PLXDC2: variants seen among roughly 807,000 people sequenced by gnomAD.
PLXDC2 encodes plexin domain containing 2.
A neutral mutation model predicts 68.9 loss-of-function variants in PLXDC2; 40 were observed. The observed-to-expected ratio is 0.58, with a 90% confidence interval of 0.45 to 0.76. The LOEUF (loss-of-function observed/expected upper bound fraction) is 0.76. Ranked by LOEUF, PLXDC2 falls within the 30% of genes least tolerant of loss-of-function variation. The pLI is 0.00. For synonymous variants in PLXDC2, 243 were observed against 234.2 expected (o/e 1.04, Z -0.34); for missense variants, 644 against 661.9 (o/e 0.97, Z 0.30).
intron 4 of PLXDC2, among the ~76,000 whole-genome samples, chr10:20,115,020 T>C (rs938546913): frequency 3.3e-5 from 5 of 152,128 alleles, no homozygotes; most frequent in Admixed American, 2.0e-4. Flanking sequence ...AAATCCGCAA[T>C]GCAATTTTTT....
intron 1 of PLXDC2, among the ~76,000 whole-genome samples, chr10:19,998,149 G>A (rs898542839): frequency 1.3e-5 from 2 of 152,144 alleles, no homozygotes; most frequent in African/African-American, 4.8e-5. Flanking sequence ...TTTTACTGCA[G>A]CTGGAAAGGG....
intron 7 of PLXDC2, among the ~76,000 whole-genome samples, chr10:20,168,611 A>G (rs1834405460): frequency 6.6e-6 from 1 of 152,190 alleles, no homozygotes; most frequent in Admixed American, 6.5e-5. Context: ...TGTTTTTCAT[A>G]AAATGTATTT....
rs1384598353 is a variant in PLXDC2, at chr10:20,001,994, A to G, written c.324+8A>G. ...AATAACACTCAGATCGAGGTAGATA[A>G]ATAGTCTGGGTAATTGAAATGGATT... is the stretch of plus-strand genomic sequence containing the variant. On this transcript the variant is annotated splice_region_variant and intron_variant, in intron 2 of 13. Transcript: ENST00000377252. 6.2e-7 allele frequency: 1 copy of G among 1,609,386 alleles called. No homozygotes were observed. The highest frequency in any genetic ancestry group is 1.1e-5 in the South Asian group (1 of 90,478).
At chr10:19,898,263 A>G (rs1838096834) in intron 1 of PLXDC2, among the ~76,000 whole-genome samples, 1 of 152,140 alleles carries the variant, frequency 6.6e-6, no homozygotes, top group African/African-American at 2.4e-5. Context: ...ATATTGTGTG[A>G]TGTTAAGGTT....
At chr10:19,881,407 C>A (rs144128516) in intron 1 of PLXDC2, among the ~76,000 whole-genome samples, 2 of 152,160 alleles carry the variant, frequency 1.3e-5, no homozygotes, top group Non-Finnish European at 2.9e-5. Flanking sequence ...TGAGCCACTG[C>A]GCCTGGCCGC....
rs1031690247 is a variant in PLXDC2 at position 20,281,095 on chromosome 10, A to C, written c.*1276A>C. On this transcript the variant is annotated 3_prime_UTR_variant, in exon 14 of 14. Coordinates refer to ENST00000377252, the MANE Select transcript of PLXDC2 (RefSeq NM_032812.9). ...TCACTTAGCAAAAGTGGTTCAGTTC[A>C]TTGCCGCGCCCATCATGTTCTTGAC... 6.6e-6 allele frequency: 1 copy of C among 152,062 alleles called. No homozygotes were observed. The highest frequency in any genetic ancestry group is 1.5e-5 in the Non-Finnish European group (1 of 68,002). 9.4% of individuals were successfully genotyped at this position (152,062 alleles called of 1,614,324 possible).
rs767594313 is a variant in PLXDC2, at chr10:20,169,730, T to C, written c.883+5163T>C. On this transcript the variant is annotated intron_variant, in intron 7 of 13. Coordinates refer to ENST00000377252, the MANE Select transcript of PLXDC2 (RefSeq NM_032812.9). ...ACTCATGCCATGTGGTTCTTTAATT[T>C]GGAACAGATAAGGCCATGCCACTTA... is the stretch of plus-strand genomic sequence containing the variant. 3.9e-5 allele frequency among the ~76,000 whole-genome samples: 6 copies of C among 152,180 alleles called. 1 individual carries two copies. Among genetic ancestry groups the C allele is most frequent in the Non-Finnish European group, 8.8e-5 (6 of 68,030 alleles).
intron 4 of PLXDC2, among the ~76,000 whole-genome samples, chr10:20,138,502 C>A (rs897471608): frequency 6.6e-6 from 1 of 152,226 alleles, no homozygotes; most frequent in African/African-American, 2.4e-5. Context: ...GAGACCTATA[C>A]TACCCATGTG....
intron 1 of PLXDC2, among the ~76,000 whole-genome samples, chr10:19,843,852 A>G (rs1025522257): frequency 4.6e-5 from 7 of 152,194 alleles, no homozygotes; most frequent in Non-Finnish European, 1.0e-4. Context: ...ATAAGCCCCG[A>G]CATTCTGTAG....
chr10:19,999,133 G>A (rs115621685), intron 1 of PLXDC2, among the ~76,000 whole-genome samples: 1 of 152,288 alleles, frequency 6.6e-6, no homozygotes, highest in East Asian at 1.9e-4. Context: ...CATGCAGAAG[G>A]CTCCTCCAGT....
intron 7 of PLXDC2, among the ~76,000 whole-genome samples, chr10:20,172,416 G>T (rs183426039): frequency 1.3e-5 from 2 of 152,040 alleles, no homozygotes. Context: ...CTGCCTCACC[G>T]GCCCACTGTG....
At chr10:19,820,360 G>A (rs1318190895) in intron 1 of PLXDC2, among the ~76,000 whole-genome samples, 4 of 152,128 alleles carry the variant, frequency 2.6e-5, no homozygotes, top group African/African-American at 9.7e-5. Context: ...GGCCGGGCGC[G>A]GTGGCTCACG....
chr10:20,151,854 C>G (rs1834156834), intron 6 of PLXDC2, among the ~76,000 whole-genome samples: 1 of 151,988 alleles, frequency 6.6e-6, no homozygotes, highest in Non-Finnish European at 1.5e-5. Context: ...TAAGTTTCTT[C>G]TAATAGGCTA....
intron 5 of PLXDC2, among the ~76,000 whole-genome samples, chr10:20,146,326 CTTCTTTTCTTTTCTCTTCCTTCT>C (rs948651776): frequency 2.0e-5 from 3 of 151,320 alleles, no homozygotes; most frequent in African/African-American, 4.8e-5. Context: ...TTTGTTTTCT[CTTCTTTTCTTTTCTCTTCCTTCT>C]TTCTTTTCTT....
At chr10:20,115,714 A>G (rs1051481982) in intron 4 of PLXDC2, among the ~76,000 whole-genome samples, 7 of 152,226 alleles carry the variant, frequency 4.6e-5, no homozygotes, top group African/African-American at 1.7e-4. Flanking sequence ...TGAAAAGGTT[A>G]AAATACTATT....
intron 1 of PLXDC2, among the ~76,000 whole-genome samples, chr10:19,854,443 G>T (rs1465055801): frequency 6.6e-6 from 1 of 152,138 alleles, no homozygotes; most frequent in Admixed American, 6.5e-5. Flanking sequence ...AGACATTTGA[G>T]GTGGTCACAA....
chr10:19,837,139 G>C (rs1161925171), intron 1 of PLXDC2, among the ~76,000 whole-genome samples: 1 of 150,878 alleles, frequency 6.6e-6, no homozygotes, highest in African/African-American at 2.4e-5. Flanking sequence ...TTATAAGATT[G>C]TTTGAGGACT....
chr10:20,214,477 T>C (rs1835110221), intron 10 of PLXDC2, among the ~76,000 whole-genome samples: 1 of 152,168 alleles, frequency 6.6e-6, no homozygotes, highest in Non-Finnish European at 1.5e-5. Context: ...TTGTTCTCTT[T>C]AGAGCGATAT....
At chr10:20,181,520 T>C (rs1834604843) in intron 9 of PLXDC2, among the ~76,000 whole-genome samples, 1 of 151,958 alleles carries the variant, frequency 6.6e-6, no homozygotes, top group African/African-American at 2.4e-5. Context: ...GAAAGGCTTT[T>C]TGGAGGGGGT....
Sources: gnomAD v4.1 joint callset for allele counts (sites outside exome capture counted in the v4.1 genomes callset) on GRCh38, gnomAD v4.1.1 for gene constraint, MANE v1.5 for transcripts, NCBI Gene and HGNC (gene_info 2026-07-23, HGNC 2026-07-21) for gene names.